Variants in SCN7A observed in about 807,000 individuals in gnomAD.
SCN7A encodes the protein sodium voltage-gated channel alpha subunit 7, also known as sodium channel protein type 7 subunit alpha.
In SCN7A, 138 loss-of-function variants were observed where a neutral mutation model predicts 155.2. The observed-to-expected ratio is 0.89, with a 90% CI of 0.77 to 1.02. The LOEUF (loss-of-function observed/expected upper bound fraction) is 1.02. Among genes scored for constraint, SCN7A ranks in the 50% least tolerant of loss-of-function variants. The pLI, the probability that SCN7A is intolerant of heterozygous loss-of-function variation, is 0.00. For synonymous variants in SCN7A, 693 were observed against 649.0 expected (o/e 1.07, Z -1.03); for missense variants, 2,058 against 1,986.6 (o/e 1.04, Z -0.68).
chr2:166,449,173 C>A (rs1702126916), intron 11 of SCN7A, among the ~76,000 whole-genome samples: 1 of 151,934 alleles, frequency 6.6e-6, no homozygotes, highest in African/African-American at 2.4e-5. Context: ...TAGATGTTTC[C>A]AGTGATCAGA....
rs1260342812 is a variant in SCN7A at position 166,427,776 on chromosome 2, C to T, written c.2853+12G>A. The T allele has an allele frequency of 2.5e-6, 4 of 1,600,622 alleles. No homozygotes were observed. Among genetic ancestry groups the T allele is most frequent in the East Asian group, 4.5e-5 (2 of 44,536 alleles). On this transcript the variant is annotated intron_variant, in intron 18 of 25. Coordinates refer to ENST00000643258, the MANE Select transcript of SCN7A (RefSeq NM_002976.4). Reference sequence around the variant, plus strand: ...CCCAGCAAAGTATCAAACACCCTGGCTGCCCACTTACCAGAGTGCCAGTGC... The same window carrying T: ...CCCAGCAAAGTATCAAACACCCTGGTTGCCCACTTACCAGAGTGCCAGTGC...
Position 166,462,452 on chromosome 2 carries a change from G to A in SCN7A, c.1020C>T (p.Gly340=), listed in dbSNP as rs757727130. 1 of 1,612,816 alleles carries A rather than the reference G, an allele frequency of 6.2e-7. No homozygotes were observed. The highest frequency in any genetic ancestry group is 8.5e-7 in the Non-Finnish European group (1 of 1,179,346). ...ACCGAAATAGGGCAAATAAGGCCCAGCCAAAACTGTCAAAATTTGTGAAGC... is the reference window on the plus strand; with the variant it reads ...ACCGAAATAGGGCAAATAAGGCCCAACCAAAACTGTCAAAATTTGTGAAGC... ...DQGFTNFDSF[G]WALFALFRLM... is the part of the protein sequence containing the mutation. The change falls in exon 10 of 26, where the codon GGC becomes GGT. Residue 340 remains glycine (G), a synonymous_variant. Coordinates refer to ENST00000643258, the MANE Select transcript of SCN7A (RefSeq NM_002976.4).
In SCN7A at chr2:166,470,599, C is replaced by G. The variant is rs2105496581; in HGVS notation, c.664+16G>C. ...TAAAACAAAATGAAGAAAAGACATT[C>G]AATGCAATTTCTTACCTTGATTTAA... On this transcript the variant is annotated intron_variant, in intron 7 of 25. Coordinates refer to ENST00000643258, the MANE Select transcript of SCN7A (RefSeq NM_002976.4). The G allele has an allele frequency of 1.3e-6, 2 of 1,582,356 alleles. No individual in the cohort carries two copies. Among genetic ancestry groups the G allele is most frequent in the East Asian group, 4.5e-5 (2 of 44,040 alleles).
chr2:166,427,632 A>T (rs755901252), intron 18 of SCN7A, among the ~76,000 whole-genome samples, 156 bp downstream of exon 18: 50 of 152,200 alleles, frequency 3.3e-4, no homozygotes, highest in Middle Eastern at 3.4e-3. Context: ...AAAGTATATT[A>T]TTTAGATTTT....
intron 1 of SCN7A, among the ~76,000 whole-genome samples, chr2:166,493,734 G>C (rs897266537): frequency 6.6e-6 from 1 of 152,202 alleles, no homozygotes; most frequent in Non-Finnish European, 1.5e-5. Context: ...GATGGAATTA[G>C]AAAACTGACG....
intron 1 of SCN7A, among the ~76,000 whole-genome samples, chr2:166,488,971 T>A (rs924715124): frequency 1.3e-5 from 2 of 152,186 alleles, no homozygotes; most frequent in African/African-American, 4.8e-5. Context: ...ATGTACTCTT[T>A]GGCCCAGCAA....
At chr2:166,436,359 C>T (rs986764133) in intron 15 of SCN7A, 1 of 430,280 alleles carries the variant, frequency 2.3e-6, no homozygotes, top group African/African-American at 2.0e-5. Flanking sequence ...TCACTCTGCA[C>T]TTCTCCTTGC....
intron 18 of SCN7A, among the ~76,000 whole-genome samples, chr2:166,426,802 G>A (rs1701634415): frequency 6.6e-6 from 1 of 152,004 alleles, no homozygotes; most frequent in South Asian, 2.1e-4. Flanking sequence ...CATTCACATT[G>A]TGAAAATCAT....
Position 166,441,562 on chromosome 2 carries a change from C to T in SCN7A, c.1991G>A (p.Cys664Tyr), listed in dbSNP as rs749762609. ...ATGCATGTGCCAGCGTGGGAGTTGACAGTCTTTGTCTATGTGGCAGACAAA... is the reference window on the plus strand; with the variant it reads ...ATGCATGTGCCAGCGTGGGAGTTGATAGTCTTTGTCTATGTGGCAGACAAA... ...EEFVCHIDKD[C>Y]QLPRWHMHDF... Residue 664 changes from cysteine to tyrosine, a missense_variant, in exon 15 of 26, where the codon TGT (cysteine) becomes TAT (tyrosine). Cys to Tyr is a radical substitution (Grantham distance 194). Coordinates refer to ENST00000643258, the MANE Select transcript of SCN7A (RefSeq NM_002976.4). 1 of 1,614,048 alleles carries T rather than the reference C, an allele frequency of 6.2e-7. No individual in the cohort carries two copies. The highest frequency in any genetic ancestry group is 1.7e-5 in the Admixed American group (1 of 59,988).
chr2:166,492,152 C>G (rs1683127871), intron 1 of SCN7A, among the ~76,000 whole-genome samples: 1 of 152,106 alleles, frequency 6.6e-6, no homozygotes, highest in African/African-American at 2.4e-5. Flanking sequence ...TTTTGAAGTG[C>G]TTGGCTCTGC....
intron 14 of SCN7A, among the ~76,000 whole-genome samples, chr2:166,442,895 A>T (rs938373795): frequency 2.0e-5 from 3 of 152,214 alleles, no homozygotes; most frequent in Non-Finnish European, 2.9e-5. Context: ...TCTAGGAAGT[A>T]ACCATTAGAA....
At chr2:166,458,326 CAAAAAA>C (rs71395231) in intron 10 of SCN7A, among the ~76,000 whole-genome samples, 2 of 97,958 alleles carry the variant, frequency 2.0e-5, no homozygotes, top group East Asian at 6.3e-4. Flanking sequence ...GACCATGTAT[CAAAAAA>C]AAAAAAAAAA....
chr2:166,412,892 A>G (rs916481487), intron 22 of SCN7A, among the ~76,000 whole-genome samples, 176 bp downstream of exon 22: 31 of 152,134 alleles, frequency 2.0e-4, no homozygotes, highest in African/African-American at 7.5e-4. Flanking sequence ...TTTCAAATGG[A>G]CCTATGGGGC....
intron 3 of SCN7A, among the ~76,000 whole-genome samples, chr2:166,474,820 G>T (rs1031967085): frequency 2.0e-5 from 3 of 151,416 alleles, no homozygotes; most frequent in African/African-American, 7.3e-5. Flanking sequence ...CTTAACAATT[G>T]TCTATGAAAT....
At position 166,416,690 on chromosome 2, in the gene SCN7A, G is replaced by A; in HGVS notation, c.3414+17C>T. Reference sequence around the variant, plus strand: ...ATGAATATATAATTAATAAGGAAAAGTCAAAAGTGTACTTACTACTTGAAG... The same window carrying A: ...ATGAATATATAATTAATAAGGAAAAATCAAAAGTGTACTTACTACTTGAAG... On this transcript the variant is annotated intron_variant, in intron 21 of 25. Coordinates refer to ENST00000643258, the MANE Select transcript of SCN7A (RefSeq NM_002976.4). The A allele has an allele frequency of 6.3e-7, 1 of 1,575,506 alleles. No homozygotes were observed. Among genetic ancestry groups the A allele is most frequent in the Non-Finnish European group, 8.6e-7 (1 of 1,161,066 alleles).
At chr2:166,410,782 G>GA (rs1553512975) in intron 23 of SCN7A, among the ~76,000 whole-genome samples, 1 of 151,762 alleles carries the variant, frequency 6.6e-6, no homozygotes, top group Non-Finnish European at 1.5e-5. Flanking sequence ...TATCAGAAGA[G>GA]TTTTTTTTAC....
chr2:166,449,062 T>G (rs529726797), intron 11 of SCN7A, among the ~76,000 whole-genome samples: 3 of 152,356 alleles, frequency 2.0e-5, no homozygotes, highest in Admixed American at 2.0e-4. Flanking sequence ...TAAGAGATCT[T>G]CTGCTTTACT....
rs759007102 is a variant in SCN7A at position 166,447,635 on chromosome 2, T to C, written c.1364A>G (p.Asp455Gly). ...STDTSLDVLE[D>G]ATLRHKEELE... ...ACCTTCCTTATGTCTGAGAGTAGCA[T>C]CTTCCAACACATCCAATGATGTGTC... Residue 455 changes from aspartate (D) to glycine (G), a missense_variant, in exon 12 of 26, where the codon GAT becomes GGT. Asp to Gly is a moderately conservative substitution (Grantham distance 94). Transcript: ENST00000643258. 6.2e-7 allele frequency: 1 copy of C among 1,612,048 alleles called. No homozygotes were observed. Among genetic ancestry groups the C allele is most frequent in the Non-Finnish European group, 8.5e-7 (1 of 1,178,310 alleles).
At chr2:166,417,039 T>A in intron 20 of SCN7A, 54 bp from the exon 21 acceptor site, 2 of 1,373,878 alleles carry the variant, frequency 1.5e-6, no homozygotes, top group Non-Finnish European at 2.0e-6. Flanking sequence ...ACTGTTTTAG[T>A]TTTTGATCAG....
Sources: gnomAD v4.1 joint callset for allele counts (sites outside exome capture counted in the v4.1 genomes callset) on GRCh38, gnomAD v4.1.1 for gene constraint, MANE v1.5 for transcripts, NCBI Gene and HGNC (gene_info 2026-07-23, HGNC 2026-07-21) for gene names.